Variants in CMIP observed in about 807,000 individuals in gnomAD.
CMIP encodes the protein c-Maf inducing protein, also known as C-Maf-inducing protein.
A neutral mutation model predicts 97.3 loss-of-function variants in CMIP; 13 were observed. That is an observed-to-expected ratio of 0.13 (90% CI 0.09 to 0.21). The LOEUF is 0.21. Among genes scored for constraint, CMIP ranks in the 10% least tolerant of loss-of-function variants. CMIP has a pLI of 1.00. For missense variants in CMIP, 847 were observed against 1,024.9 expected, an observed-to-expected ratio of 0.83 and a Z score of 2.37; for synonymous variants, 538 against 436.3, an observed-to-expected ratio of 1.23 and a Z score of -2.91.
chr16:81,509,822 T>A (rs917069020), intron 1 of CMIP, among the ~76,000 whole-genome samples: 19 of 152,138 alleles, frequency 1.2e-4, no homozygotes, highest in African/African-American at 4.6e-4. Context: ...TGTCTTCCTG[T>A]CTCCCTTAAC....
intron 1 of CMIP, among the ~76,000 whole-genome samples, chr16:81,507,438 C>G (rs2089730237): frequency 6.6e-6 from 1 of 152,120 alleles, no homozygotes; most frequent in African/African-American, 2.4e-5. Flanking sequence ...TGTGTGTCCA[C>G]TTGACTTGTG....
chr16:81,700,599 C>CGTGAA (rs1292998120), intron 15 of CMIP: 26 of 152,618 alleles, frequency 1.7e-4, no homozygotes, highest in African/African-American at 6.0e-4. Context: ...TAGACTTCAC[C>CGTGAA]CCTCAGTGGG....
intron 1 of CMIP, among the ~76,000 whole-genome samples, chr16:81,565,824 G>C (rs1045941484): frequency 6.6e-6 from 1 of 152,166 alleles, no homozygotes; most frequent in Non-Finnish European, 1.5e-5. Flanking sequence ...GCACGGCGCC[G>C]CCTCCTTCAG....
At chr16:81,666,208 G>C (rs2092601682) in intron 7 of CMIP, 1 of 152,236 alleles carries the variant, frequency 6.6e-6, no homozygotes, top group Non-Finnish European at 1.5e-5. Context: ...CGGGTGTAGT[G>C]TATGGAGTGG....
At chr16:81,604,374 T>G (rs910785086) in intron 1 of CMIP, among the ~76,000 whole-genome samples, 3 of 115,364 alleles carry the variant, frequency 2.6e-5, no homozygotes, top group East Asian at 2.5e-4. Context: ...CCAGTCGGGG[T>G]GACAAGAGCA....
intron 1 of CMIP, among the ~76,000 whole-genome samples, chr16:81,589,772 G>T (rs1005719198): frequency 6.6e-6 from 1 of 152,246 alleles, no homozygotes. Flanking sequence ...TTCATAAAAA[G>T]TAGCCTTCTC....
intron 15 of CMIP, among the ~76,000 whole-genome samples, chr16:81,700,917 C>T (rs80289151): frequency 0.091 from 13,796 of 152,086 alleles, 683 homozygotes; most frequent in East Asian, 0.16. Flanking sequence ...TGGGGGAGGG[C>T]TGAGCAGGGA....
At chr16:81,549,846 G>A (rs959481183) in intron 1 of CMIP, among the ~76,000 whole-genome samples, 32 of 152,290 alleles carry the variant, frequency 2.1e-4, no homozygotes, top group Admixed American at 9.1e-4. Flanking sequence ...GTGTGTGCAT[G>A]CGCGCGTGCA....
At chr16:81,566,614 C>G (rs1217800382) in intron 1 of CMIP, among the ~76,000 whole-genome samples, 1 of 152,222 alleles carries the variant, frequency 6.6e-6, no homozygotes, top group South Asian at 2.1e-4. Context: ...TGCATTCATT[C>G]CTGCTTCTCC....
rs1354228587 is a variant in CMIP at position 81,626,791 on chromosome 16, G to C, written c.477+5865G>C. Among the ~76,000 whole-genome samples, 12 of 47,216 alleles carry C rather than the reference G, an allele frequency of 2.5e-4. 1 individual carries two copies. Among genetic ancestry groups the C allele is most frequent in the Non-Finnish European group, 5.8e-4 (11 of 18,938 alleles). The allele number at this position is 47,216 out of a possible 152,430, so 31.0% of individuals were successfully genotyped here. A position where few individuals can be genotyped will look rare whatever the true frequency, so the allele number is the denominator to read the frequency against. ...GTGGAGTGACAGAGAGAGAGAGAGTGTGTGTGTGTGTGTGTGTGTGTGTGT... is the reference window on the plus strand; with the variant it reads ...GTGGAGTGACAGAGAGAGAGAGAGTCTGTGTGTGTGTGTGTGTGTGTGTGT... On this transcript the variant is annotated intron_variant, in intron 3 of 20. Coordinates refer to ENST00000537098, the MANE Select transcript of CMIP (RefSeq NM_198390.3).
intron 3 of CMIP, among the ~76,000 whole-genome samples, chr16:81,641,138 G>A (rs937700330): frequency 6.6e-6 from 1 of 152,142 alleles, no homozygotes; most frequent in African/African-American, 2.4e-5. Flanking sequence ...GCTGGAATCT[G>A]CATGGTAACC....
At chr16:81,520,330 T>G (rs2089995634) in intron 1 of CMIP, 1 of 152,178 alleles carries the variant, frequency 6.6e-6, no homozygotes, top group Admixed American at 6.5e-5. Context: ...ACAAACAGGA[T>G]CCCACTTCTT....
At chr16:81,464,795 G>GTGGA (rs1461836021) in intron 1 of CMIP, 1 of 152,186 alleles carries the variant, frequency 6.6e-6, no homozygotes, top group African/African-American at 2.4e-5. Flanking sequence ...CCTGAGCTAA[G>GTGGA]TGGAATCATA....
Position 81,670,483 on chromosome 16 carries a change from C to T in CMIP, c.929+238C>T, listed in dbSNP as rs146107066. Among the ~76,000 whole-genome samples, 729 of 152,280 alleles carry T rather than the reference C, an allele frequency of 4.8e-3. 7 individuals carry two copies. The highest frequency in any genetic ancestry group is 0.017 in the African/African-American group (695 of 41,540). On this transcript the variant is annotated intron_variant, in intron 8 of 20. Coordinates refer to ENST00000537098, the MANE Select transcript of CMIP (RefSeq NM_198390.3). ...CTGTAGGTGCCACATGTTTAGGACT[C>T]TGTCCCACCCCTGGTGGTCCCAGAG...
At chr16:81,484,258 C>T (rs1228697967) in intron 1 of CMIP, among the ~76,000 whole-genome samples, 1 of 152,222 alleles carries the variant, frequency 6.6e-6, no homozygotes, top group African/African-American at 2.4e-5. Flanking sequence ...GAAAAGGCCA[C>T]AGCAGCTGGG....
At chr16:81,700,267 C>T (rs1345599775) in intron 15 of CMIP, among the ~76,000 whole-genome samples, 2 of 152,000 alleles carry the variant, frequency 1.3e-5, no homozygotes, top group African/African-American at 2.4e-5. Flanking sequence ...CCAGCCGCAC[C>T]CTTCACCTCG....
At chr16:81,670,551 C>G (rs935944143) in intron 8 of CMIP, among the ~76,000 whole-genome samples, 2 of 148,194 alleles carry the variant, frequency 1.3e-5, no homozygotes, top group Non-Finnish European at 3.0e-5. Flanking sequence ...TAAACATAAC[C>G]AAGAGGAAGC....
At chr16:81,601,652 C>T (rs1379087514) in intron 1 of CMIP, among the ~76,000 whole-genome samples, 1 of 152,092 alleles carries the variant, frequency 6.6e-6, no homozygotes, top group South Asian at 2.1e-4. Context: ...TGCAGGATCC[C>T]CCAAAACTAG....
intron 1 of CMIP, among the ~76,000 whole-genome samples, chr16:81,465,130 C>T (rs1907124263): frequency 6.6e-6 from 1 of 152,110 alleles, no homozygotes; most frequent in African/African-American, 2.4e-5. Context: ...ATAAAGAACT[C>T]GGGTTTGTTG....
Sources: gnomAD v4.1 joint callset for allele counts (sites outside exome capture counted in the v4.1 genomes callset) on GRCh38, gnomAD v4.1.1 for gene constraint, MANE v1.5 for transcripts, NCBI Gene and HGNC (gene_info 2026-07-23, HGNC 2026-07-21) for gene names.